ITGA3: variants seen among roughly 807,000 people sequenced by gnomAD.
The protein encoded by ITGA3 is integrin alpha-3.
ITGA3 carries 70 observed loss-of-function variants against 131.1 expected under a neutral mutation model. The observed-to-expected ratio is 0.53, with a 90% confidence interval of 0.44 to 0.65. The LOEUF (loss-of-function observed/expected upper bound fraction) is 0.65. ITGA3 is among the 30% of genes least tolerant of loss of function. ITGA3 has a pLI of 0.00. For missense variants in ITGA3, 1,098 were observed against 1,388.6 expected, an observed-to-expected ratio of 0.79 and a Z score of 3.33; for synonymous variants, 537 against 571.6, an observed-to-expected ratio of 0.94 and a Z score of 0.86.
Position 50,071,975 on chromosome 17 carries a change from C to A in ITGA3, c.960-11C>A. On this transcript the variant is annotated splice_polypyrimidine_tract_variant and intron_variant, in intron 6 of 25. Transcript: ENST00000320031. ...GACCTCACACTCCCATTTCCCTCCT[C>A]TCCTGTGTAGGTGGCAGGACCTCCT... The A allele has an allele frequency of 1.2e-6, 2 of 1,611,104 alleles. No homozygotes were observed. The highest frequency in any genetic ancestry group is 1.7e-6 in the Non-Finnish European group (2 of 1,178,100).
At position 50,089,389 on chromosome 17, in the gene ITGA3, T is replaced by TA; in HGVS notation, c.*312dup. 1 of 748,138 alleles carries TA rather than the reference T, an allele frequency of 1.3e-6. No individual in the cohort carries two copies. The highest frequency in any genetic ancestry group is 2.2e-6 in the Non-Finnish European group (1 of 455,946). 46.3% of individuals were successfully genotyped at this position (748,138 alleles called of 1,614,324 possible). A position where few individuals can be genotyped will look rare whatever the true frequency, so the allele number is the denominator to read the frequency against. On this transcript the variant is annotated 3_prime_UTR_variant, in exon 26 of 26. Coordinates refer to ENST00000320031, the MANE Select transcript of ITGA3 (RefSeq NM_002204.4). ...GCTGGTAGCAGCAGGCTCAGGCACA[T>TA]ACACCTCGTCAAGAGCATGCACATG... is the stretch of plus-strand genomic sequence containing the variant.
rs1260932233 is a variant in ITGA3 at position 50,089,320 on chromosome 17, T to TTA, written c.*242_*243insTA. The TTA allele has an allele frequency of 9.9e-6, 15 of 1,516,678 alleles. No individual in the cohort carries two copies. The highest frequency in any genetic ancestry group is 1.4e-5 in the Non-Finnish European group (15 of 1,104,100). 94.0% of individuals were successfully genotyped at this position (1,516,678 alleles called of 1,614,324 possible). A position where few individuals can be genotyped will look rare whatever the true frequency, so the allele number is the denominator to read the frequency against. Reference sequence around the variant, plus strand: ...CCAGTGTCCCCTTTCTTCCTATTTATCATAAGTTATGCCTCTGACAGTCCA... The same window carrying TTA: ...CCAGTGTCCCCTTTCTTCCTATTTATTACATAAGTTATGCCTCTGACAGTCCA... On this transcript the variant is annotated 3_prime_UTR_variant, in exon 26 of 26. Transcript: ENST00000320031.
At chr17:50,059,259 G>A (rs1907965969) in intron 1 of ITGA3, among the ~76,000 whole-genome samples, 1 of 152,170 alleles carries the variant, frequency 6.6e-6, no homozygotes, top group Non-Finnish European at 1.5e-5. Context: ...TTCTCTGGGA[G>A]GTGGTTACTG....
intron 6 of ITGA3, 52 bp from the exon 7 acceptor site, chr17:50,071,934 C>A: frequency 6.6e-7 from 1 of 1,504,614 alleles, no homozygotes; most frequent in Non-Finnish European, 9.1e-7. Context: ...AAGAACTATG[C>A]TGCATATTGG....
Position 50,074,141 on chromosome 17 carries a change from C to A in ITGA3, c.1246-3C>A. On this transcript the variant is annotated splice_region_variant and splice_polypyrimidine_tract_variant and intron_variant, in intron 8 of 25. Transcript: ENST00000320031. ...TGCCCCCACCACTTTCCCCTGCCCC[C>A]AGGTAATCCATGGAGAGAAGCTGGG... 1 of 1,613,754 alleles carries A rather than the reference C, an allele frequency of 6.2e-7. No homozygotes were observed. Among genetic ancestry groups the A allele is most frequent in the Non-Finnish European group, 8.5e-7 (1 of 1,179,660 alleles).
intron 1 of ITGA3, chr17:50,063,741 G>A (rs1908198197): frequency 3.2e-6 from 1 of 309,672 alleles, no homozygotes; most frequent in East Asian, 7.9e-5. Flanking sequence ...GCACATGTGT[G>A]CCTTTGCCCA....
intron 18 of ITGA3, 85 bp from the exon 19 acceptor site, chr17:50,078,739 A>G: frequency 1.3e-6 from 1 of 761,876 alleles, no homozygotes. Context: ...GAGGGGCTAT[A>G]GTTAGCCAGC....
rs570623603 is a variant in ITGA3 at position 50,083,205 on chromosome 17, A to C, written c.2919+1797A>C. On this transcript the variant is annotated intron_variant, in intron 23 of 25. Coordinates refer to ENST00000320031, the MANE Select transcript of ITGA3 (RefSeq NM_002204.4). ...AGTGTTGGGAGAACACATTTGGAAA[A>C]TAAAGACAAACCTCTACTTCACAAC... Among the ~76,000 whole-genome samples the C allele has an allele frequency of 5.3e-5, 8 of 152,312 alleles. No homozygotes were observed. In the South Asian group the frequency reaches 1.5e-3, roughly 28 times the overall value.
At chr17:50,081,120 G>T in intron 22 of ITGA3, 190 bp from the exon 23 acceptor site, 1 of 568,228 alleles carries the variant, frequency 1.8e-6, no homozygotes, top group South Asian at 2.2e-5. Flanking sequence ...ACCTGACGCA[G>T]AAATGAATGA....
chr17:50,056,743 G>A lies in ITGA3; in HGVS notation c.206+98G>A, dbSNP rs865932447. On this transcript the variant is annotated intron_variant, in intron 1 of 25. Transcript: ENST00000320031. The surrounding 1 kb of genome is among the most constrained non-coding windows in gnomAD (Gnocchi z 5.6). Reference sequence around the variant, plus strand: ...TCGGAGCCCAGGGCAGCTGGCCCTTGGGAGCCAGGATTAAGGGGCGGCCCT... The same window carrying A: ...TCGGAGCCCAGGGCAGCTGGCCCTTAGGAGCCAGGATTAAGGGGCGGCCCT... 2 of 1,272,682 alleles carry A rather than the reference G, an allele frequency of 1.6e-6. No homozygotes were observed. The highest frequency in any genetic ancestry group is 1.1e-6 in the Non-Finnish European group (1 of 924,664). 78.8% of individuals were successfully genotyped at this position (1,272,682 alleles called of 1,614,324 possible). A position where few individuals can be genotyped will look rare whatever the true frequency, so the allele number is the denominator to read the frequency against.
chr17:50,074,052 G>T (rs1354395773), intron 8 of ITGA3, 48 bp downstream of exon 8: 4 of 1,553,710 alleles, frequency 2.6e-6, no homozygotes, highest in Middle Eastern at 3.3e-4. Flanking sequence ...GCCGAGATGG[G>T]CCTTCCTTGC....
intron 20 of ITGA3, 62 bp downstream of exon 20, chr17:50,079,320 C>T: frequency 6.5e-7 from 1 of 1,547,228 alleles, no homozygotes; most frequent in Non-Finnish European, 8.9e-7. Context: ...CAGTGTCTTC[C>T]CCTCCCTCCC....
intron 18 of ITGA3, 128 bp downstream of exon 18, chr17:50,078,412 C>A (rs988075242): frequency 7.7e-6 from 5 of 652,030 alleles, no homozygotes; most frequent in Non-Finnish European, 1.4e-5. Context: ...CTCCACTTTC[C>A]CTGGATCATC....
chr17:50,079,243 C>T lies in ITGA3; in HGVS notation c.2568C>T (p.Leu856=). Residue 856 remains leucine (L), a synonymous_variant, in exon 20 of 26, where the codon CTC becomes CTT. Transcript: ENST00000320031. ...CACCTGGAGACCTTATCAACCCTCT[C>T]AACCTCACTCTTTCTGTAAGGACAC... ...CRPPGDLINP[L]NLTLSDPGDR... The T allele has an allele frequency of 6.2e-7, 1 of 1,614,002 alleles. No homozygotes were observed.
At chr17:50,080,421 G>A in intron 22 of ITGA3, 46 bp downstream of exon 22, 1 of 1,205,140 alleles carries the variant, frequency 8.3e-7, no homozygotes. Context: ...CACCCTGAGG[G>A]GGAGAACAAC....
intron 23 of ITGA3, among the ~76,000 whole-genome samples, chr17:50,082,198 A>G (rs867197208): frequency 6.6e-6 from 1 of 151,624 alleles, no homozygotes; most frequent in Non-Finnish European, 1.5e-5. Context: ...TTATTTATTT[A>G]TTTTTTGAGA....
chr17:50,078,369 T>A (rs1420854981), intron 18 of ITGA3, 85 bp downstream of exon 18: 1 of 1,096,772 alleles, frequency 9.1e-7, no homozygotes, highest in Non-Finnish European at 1.4e-6. Flanking sequence ...CCCAAACTCC[T>A]CTGACCCCTC....
chr17:50,064,227 G>A lies in ITGA3; in HGVS notation c.334+23G>A, dbSNP rs751074845. ...AAAGTGAGGGGAAGGGGCTGGGGAG[G>A]GGTGCTGGGTCAGAGGTCTGGCAGG... On this transcript the variant is annotated intron_variant, in intron 2 of 25. Transcript: ENST00000320031. This position sits in a 1 kb window ranked among gnomAD's most constrained non-coding sequence, Gnocchi z 4.4. The A allele has an allele frequency of 2.6e-5, 42 of 1,594,698 alleles. No individual in the cohort carries two copies. Among genetic ancestry groups the A allele is most frequent in the Non-Finnish European group, 3.2e-5 (38 of 1,171,990 alleles).
intron 11 of ITGA3, 27 bp downstream of exon 11, chr17:50,075,553 G>A: frequency 6.2e-7 from 1 of 1,614,230 alleles, no homozygotes; most frequent in African/African-American, 1.3e-5. Flanking sequence ...AGCGTAAAAG[G>A]GGTACGCTCC....
Sources: gnomAD v4.1 joint callset for allele counts (sites outside exome capture counted in the v4.1 genomes callset) on GRCh38, gnomAD v4.1.1 for gene constraint, Gnocchi (gnomAD v3.1) non-coding constraint, MANE v1.5 for transcripts, NCBI Gene and HGNC (gene_info 2026-07-23, HGNC 2026-07-21) for gene names.